The following TET2 variants were observed in gnomAD, a reference collection of about 807,000 sequenced individuals.
TET2 encodes methylcytosine dioxygenase TET2.
A neutral mutation model predicts 142.9 loss-of-function variants in TET2; 299 were observed. The observed-to-expected ratio is 2.09, with a 90% CI of 1.90 to 2.30. The LOEUF (loss-of-function observed/expected upper bound fraction) is 2.30, where lower values mean the gene tolerates loss of function less well. Ranked by LOEUF, TET2 falls within the 30% of genes most tolerant of loss-of-function variation. The pLI, the probability that TET2 is intolerant of heterozygous loss-of-function variation, is 0.00. For missense variants in TET2, 2,418 were observed against 2,378.0 expected, an observed-to-expected ratio of 1.02 and a Z score of -0.35; for synonymous variants, 819 against 849.0, an observed-to-expected ratio of 0.96 and a Z score of 0.61.
At chr4:105,172,795 G>C (rs1214918396) in intron 1 of TET2, among the ~76,000 whole-genome samples, 2 of 152,176 alleles carry the variant, frequency 1.3e-5, no homozygotes, top group African/African-American at 4.8e-5. Flanking sequence ...CTTACAACTT[G>C]AAACTGATTA....
In TET2 at chr4:105,275,136, G is replaced by C. The variant is rs1288376410; in HGVS notation, c.4626G>C (p.Gln1542His). 6.4e-7 allele frequency: 1 copy of C among 1,551,636 alleles called. No individual in the cohort carries two copies. Among genetic ancestry groups the C allele is most frequent in the Admixed American group, 2.0e-5 (1 of 50,996 alleles). The change falls in exon 11 of 11, where the codon CAG (glutamine) becomes CAC (histidine). Residue 1542 changes from glutamine (Q) to histidine (H), a missense_variant. Transcript: ENST00000380013. ...QKQPPQPQQQ[Q>H]RPQQQQPHHP... ...AGCCACCACAGCCCCAGCAGCAGCA[G>C]AGACCCCAGCAGCAGCAGCCACATC...
At chr4:105,243,888 C>A in intron 6 of TET2, 110 bp downstream of exon 6, 1 of 924,942 alleles carries the variant, frequency 1.1e-6, no homozygotes, top group South Asian at 1.6e-5. Context: ...ATAAAATGGG[C>A]ATCAAAATGC....
intron 4 of TET2, 47 bp downstream of exon 4, chr4:105,241,476 A>G (rs1470683447): frequency 7.3e-6 from 11 of 1,513,308 alleles, no homozygotes; most frequent in Non-Finnish European, 8.8e-6. Context: ...ATCCTTTTGT[A>G]TATGTCAGAA....
chr4:105,228,304 CT>C (rs1221604696), intron 2 of TET2, among the ~76,000 whole-genome samples: 5 of 152,076 alleles, frequency 3.3e-5, no homozygotes, highest in Non-Finnish European at 5.9e-5. Flanking sequence ...TCCTGCCCTT[CT>C]TGTGAAAAAG....
chr4:105,147,984 C>G (rs1194987709), intron 1 of TET2, among the ~76,000 whole-genome samples: 1 of 152,134 alleles, frequency 6.6e-6, no homozygotes, highest in East Asian at 1.9e-4. Context: ...TTTGGCTTCT[C>G]TCTTTGGTCT....
At position 105,176,986 on chromosome 4, in the gene TET2, A is replaced by G. The variant is rs1724837117; in HGVS notation, c.-192-13374A>G. On this transcript the variant is annotated intron_variant, in intron 1 of 10. Transcript: ENST00000380013. The stretch of plus-strand genomic sequence containing the variant: ...TAAATATAATCAAATGATCTTTGAC[A>G]AGGGAGCAAAGGCAATACAATGGAG... Among the ~76,000 whole-genome samples, 3 of 152,360 alleles carry G rather than the reference A, an allele frequency of 2.0e-5. No homozygotes were observed. The South Asian group carries it at 6.2e-4, about 32-fold the overall frequency.
At chr4:105,259,962 C>A (rs1489955407) in intron 7 of TET2, among the ~76,000 whole-genome samples, 193 bp downstream of exon 7, 3 of 151,972 alleles carry the variant, frequency 2.0e-5, no homozygotes, top group African/African-American at 7.2e-5. Context: ...ATTTGAGCAA[C>A]AAAAACTTCC....
At chr4:105,253,856 T>G (rs188194516) in intron 6 of TET2, among the ~76,000 whole-genome samples, 1 of 152,324 alleles carries the variant, frequency 6.6e-6, no homozygotes, top group Admixed American at 6.5e-5. Context: ...TTTCCTAGTT[T>G]ACTGAGAGGC....
At position 105,161,530 on chromosome 4, in the gene TET2, A is replaced by T. The variant is rs565910800; in HGVS notation, c.-193+14551A>T. Reference sequence around the variant, plus strand: ...TACTTTTCCTGCACAGAGCAGAGCCATTACTGAACACTCTCGAGCTTTAAC... The same window carrying T: ...TACTTTTCCTGCACAGAGCAGAGCCTTTACTGAACACTCTCGAGCTTTAAC... On this transcript the variant is annotated intron_variant, in intron 1 of 10. Coordinates refer to ENST00000380013, the MANE Select transcript of TET2 (RefSeq NM_001127208.3). Among the ~76,000 whole-genome samples, 17 of 152,326 alleles carry T rather than the reference A, an allele frequency of 1.1e-4. No individual in the cohort carries two copies. In the South Asian group the frequency reaches 3.5e-3, roughly 32 times the overall value.
intron 1 of TET2, among the ~76,000 whole-genome samples, chr4:105,159,251 C>CTTTTT (rs779676545): frequency 1.3e-4 from 17 of 134,584 alleles, no homozygotes; most frequent in East Asian, 2.1e-4. Context: ...TTCTTTCTTT[C>CTTTTT]TTTTTTTTTT....
intron 8 of TET2, 102 bp from the exon 9 acceptor site, chr4:105,269,508 A>C (rs1730844084): frequency 1.6e-6 from 2 of 1,285,950 alleles, no homozygotes; most frequent in Non-Finnish European, 2.1e-6. Context: ...ATTTAAGTTC[A>C]AAACATTTTT....
chr4:105,176,872 A>G (rs182515217), intron 1 of TET2, among the ~76,000 whole-genome samples: 12 of 152,332 alleles, frequency 7.9e-5, no homozygotes, highest in Admixed American at 6.5e-4. Context: ...AGCTTACTAT[A>G]AAGCTCAGAT....
At chr4:105,271,121 GT>G (rs1173587611) in intron 9 of TET2, among the ~76,000 whole-genome samples, 4 of 152,054 alleles carry the variant, frequency 2.6e-5, no homozygotes, top group Admixed American at 2.0e-4. Flanking sequence ...TGTTTATTTT[GT>G]TTTTTAAAAA....
Position 105,235,241 on chromosome 4 carries a change from A to C in TET2, c.1299A>C (p.Glu433Asp), listed in dbSNP as rs775460827. ...CTCTGAATGGTGGAGTTTTAGAAGA[A>C]CACCACCACTACCCCAACCAAAGTA... ...KSTLNGGVLE[E>D]HHHYPNQSNT... is the part of the protein sequence containing the mutation. Residue 433 changes from glutamate to aspartate, a missense_variant, in exon 3 of 11, where the codon GAA (glutamate) becomes GAC (aspartate). Transcript: ENST00000380013. The C allele has an allele frequency of 1.8e-5, 29 of 1,613,948 alleles. No homozygotes were observed. The Admixed American group carries it at 2.3e-4, about 13-fold the overall frequency.
At position 105,234,686 on chromosome 4, in the gene TET2, C is replaced by T; in HGVS notation, c.744C>T (p.His248=). 1 of 1,614,096 alleles carries T rather than the reference C, an allele frequency of 6.2e-7. No individual in the cohort carries two copies. Among genetic ancestry groups the T allele is most frequent in the Non-Finnish European group, 8.5e-7 (1 of 1,180,014 alleles). Residue 248 remains histidine, a synonymous_variant, in exon 3 of 11, where the codon CAC becomes CAT. Coordinates refer to ENST00000380013, the MANE Select transcript of TET2 (RefSeq NM_001127208.3). ...TTGCGGTGCAGAAAACCACATCTCA[C>T]ATAAATGCCATTAACAGTCAGGCTA... The part of the protein sequence containing the change: ...VSIAVQKTTS[H]INAINSQATN...
At chr4:105,254,514 T>G (rs1044480087) in intron 6 of TET2, among the ~76,000 whole-genome samples, 1 of 152,130 alleles carries the variant, frequency 6.6e-6, no homozygotes, top group African/African-American at 2.4e-5. Context: ...TGGGCTCAAG[T>G]GATTTACCCA....
chr4:105,181,795 A>G (rs927145151), intron 1 of TET2, among the ~76,000 whole-genome samples: 16 of 152,182 alleles, frequency 1.1e-4, no homozygotes, highest in Non-Finnish European at 2.2e-4. Context: ...CTATGTCACA[A>G]TTTGTTATAA....
rs138642933 is a variant in TET2, at chr4:105,265,030, C to T, written c.4044+3182C>T. ...TAAATGTCCTTTCTTCGTGTCTATCCAGTAGACATATATTTGGCTCTGTCT... is the reference window on the plus strand; with the variant it reads ...TAAATGTCCTTTCTTCGTGTCTATCTAGTAGACATATATTTGGCTCTGTCT... On this transcript the variant is annotated intron_variant, in intron 8 of 10. Transcript: ENST00000380013. Among the ~76,000 whole-genome samples the T allele has an allele frequency of 6.0e-3, 911 of 152,282 alleles. 4 individuals carry two copies. Among genetic ancestry groups the T allele is most frequent in the Non-Finnish European group, 0.01 (684 of 68,018 alleles).
At chr4:105,196,265 T>C (rs1004783974) in intron 2 of TET2, among the ~76,000 whole-genome samples, 1 of 152,078 alleles carries the variant, frequency 6.6e-6, no homozygotes, top group Non-Finnish European at 1.5e-5. Flanking sequence ...CTTTCTTTTA[T>C]GGATACCCAT....
Sources: allele counts gnomAD v4.1 joint callset (sites outside exome capture counted in the v4.1 genomes callset), GRCh38; gene constraint gnomAD v4.1.1; transcripts MANE v1.5; gene names NCBI Gene and HGNC (gene_info 2026-07-23, HGNC 2026-07-21).